The following PLCXD1 variants were observed in gnomAD, a reference collection of about 807,000 sequenced individuals.
The protein encoded by PLCXD1 is phosphatidylinositol specific phospholipase C X domain containing 1.
A neutral mutation model predicts 37.8 loss-of-function variants in PLCXD1; 45 were observed. That is an observed-to-expected ratio of 1.19 (90% CI 0.94 to 1.53). The LOEUF (loss-of-function observed/expected upper bound fraction) is 1.53, where lower values mean the gene tolerates loss of function less well. PLCXD1 is among the 40% of genes most tolerant of loss of function. The pLI, the probability that PLCXD1 is intolerant of heterozygous loss-of-function variation, is 0.00. For missense variants in PLCXD1, 539 were observed against 454.7 expected, an observed-to-expected ratio of 1.19 and a Z score of -1.69; for synonymous variants, 246 against 206.9, an observed-to-expected ratio of 1.19 and a Z score of -1.62.
intron 2 of PLCXD1, among the ~76,000 whole-genome samples, chrX:287,478 ATGTT>A (rs1183773433): frequency 7.6e-6 from 1 of 130,904 alleles, no homozygotes; most frequent in African/African-American, 3.1e-5. Flanking sequence ...TATACTATAT[ATGTT>A]TATATATAGA....
intron 6 of PLCXD1, among the ~76,000 whole-genome samples, chrX:295,835 TTTTG>T (rs1020038712): frequency 9.9e-5 from 15 of 150,754 alleles, no homozygotes; most frequent in South Asian, 8.4e-4. Context: ...CGGAAAATTT[TTTTG>T]TTTGTGTGTT....
chrX:289,389 G>T (rs546740205), intron 3 of PLCXD1, among the ~76,000 whole-genome samples: 25 of 151,826 alleles, frequency 1.6e-4, no homozygotes, highest in African/African-American at 6.0e-4. Flanking sequence ...GCCCGGCCCA[G>T]CATTTTATTA....
chrX:283,643 C>T (rs1470310976), intron 1 of PLCXD1: 5 of 92,388 alleles, frequency 5.4e-5, no homozygotes, highest in Admixed American at 1.1e-4. Context: ...CGGGTGGGGG[C>T]GGCCTTGGTG....
In PLCXD1 at chrX:293,097, C is replaced by T. The variant is rs773256235; in HGVS notation, c.612C>T (p.Asp204=). The T allele has an allele frequency of 3.5e-5, 56 of 1,611,832 alleles. No homozygotes were observed. Among genetic ancestry groups the T allele is most frequent in the South Asian group, 6.6e-5 (6 of 90,984 alleles). Residue 204 remains aspartate, a synonymous_variant, in exon 6 of 7, where the codon GAC becomes GAT. Coordinates refer to ENST00000381657, the MANE Select transcript of PLCXD1 (RefSeq NM_018390.4). Reference sequence around the variant, plus strand: ...AACAGGTCATCGTCTCCTATGAAGACGAGAGCTCCTTGCGCCGGCACCACG... The same window carrying T: ...AACAGGTCATCGTCTCCTATGAAGATGAGAGCTCCTTGCGCCGGCACCACG... ...RGQQVIVSYE[D]ESSLRRHHEL... is the part of the protein sequence containing the mutation.
In PLCXD1 at chrX:299,479, G is replaced by A. The variant is rs1044765588; in HGVS notation, c.*144G>A. The A allele has an allele frequency of 1.4e-5, 10 of 699,326 alleles. 1 individual carries two copies. Among genetic ancestry groups the A allele is most frequent in the Non-Finnish European group, 2.5e-5 (10 of 402,124 alleles). 43.3% of individuals were successfully genotyped at this position (699,326 alleles called of 1,614,324 possible). A position where few individuals can be genotyped will look rare whatever the true frequency, so the allele number is the denominator to read the frequency against. On this transcript the variant is annotated 3_prime_UTR_variant, in exon 7 of 7. Coordinates refer to ENST00000381657, the MANE Select transcript of PLCXD1 (RefSeq NM_018390.4). ...ATTTTCTTTAAAATAGAGATGGGGTGGCTGGGCGTGGTGACTTCGCCTGTC... is the reference window on the plus strand; with the variant it reads ...ATTTTCTTTAAAATAGAGATGGGGTAGCTGGGCGTGGTGACTTCGCCTGTC...
upstream of PLCXD1, among the ~76,000 whole-genome samples, chrX:278,738 C>CAGA (rs2069202426): frequency 9.7e-6 from 1 of 102,864 alleles, no homozygotes; most frequent in East Asian, 2.7e-4. Context: ...GACTCCGTCT[C>CAGA]AAAAAAAAAA....
rs745452219 is a variant in PLCXD1, at chrX:290,829, A to G, written c.393+53A>G. On this transcript the variant is annotated intron_variant, in intron 4 of 6. Coordinates refer to ENST00000381657, the MANE Select transcript of PLCXD1 (RefSeq NM_018390.4). ...TGGGGAGAGTGGGAGGCGGCCGGGC[A>G]CTGGTGCAGGTGCGGCCGGGCTGAG... 8.3e-5 allele frequency: 125 copies of G among 1,500,900 alleles called. 1 individual carries two copies. The African/African-American group carries it at 1.3e-3, about 15-fold the overall frequency. The allele number at this position is 1,500,900 out of a possible 1,614,324, so 93.0% of individuals were successfully genotyped here.
chrX:290,535 C>G, intron 3 of PLCXD1, 113 bp from the exon 4 acceptor site: 1 of 1,139,492 alleles, frequency 8.8e-7, no homozygotes, highest in Non-Finnish European at 1.3e-6. Flanking sequence ...GTTACGACAT[C>G]CACGTCCCAG....
rs780072034 is a variant in PLCXD1, at chrX:292,453, G to A, written c.550-582G>A. 5.1e-4 allele frequency among the ~76,000 whole-genome samples: 77 copies of A among 151,664 alleles called. 1 individual carries two copies. Among genetic ancestry groups the A allele is most frequent in the African/African-American group, 1.7e-3 (69 of 41,374 alleles). On this transcript the variant is annotated intron_variant, in intron 5 of 6. Transcript: ENST00000381657. ...CAGCCTGGGAGACAGAGCGAGATCC[G>A]TCTCAAAAAATAAAAAATAAAAATA...
rs1175866886 is a variant in PLCXD1, at chrX:291,620, AG to A, written c.516del (p.Asn173ThrfsTer54). The A allele has an allele frequency of 6.2e-7, 1 of 1,612,930 alleles. No individual in the cohort carries two copies. Among genetic ancestry groups the A allele is most frequent in the Admixed American group, 1.7e-5 (1 of 60,008 alleles). ...DLHEYLVACI[K>X]NIFGDMLCPR... is the part of the protein sequence containing the mutation. ...CACGAGTACCTGGTCGCCTGTATCA[AG>A]AACATCTTCGGGGACATGCTGTGTC... On this transcript the variant is annotated frameshift_variant, in exon 5 of 7. Transcript: ENST00000381657. LOFTEE classifies it high-confidence loss of function.
intron 1 of PLCXD1, among the ~76,000 whole-genome samples, chrX:282,974 T>C (rs2069321318): frequency 1.4e-5 from 2 of 146,278 alleles, no homozygotes; most frequent in Non-Finnish European, 3.0e-5. Flanking sequence ...GTATATATTA[T>C]ATGTATAATA....
chrX:278,975 C>G (rs892871870), upstream of PLCXD1, among the ~76,000 whole-genome samples: 3 of 152,130 alleles, frequency 2.0e-5, no homozygotes, highest in Non-Finnish European at 2.9e-5. Flanking sequence ...GGTTCATTCA[C>G]TTGGGTGCAA....
chrX:294,855 C>G (rs1223522128), intron 6 of PLCXD1, among the ~76,000 whole-genome samples: 2 of 151,020 alleles, frequency 1.3e-5, no homozygotes, highest in African/African-American at 2.4e-5. Flanking sequence ...TCTGCTTGAA[C>G]CACCATTCCC....
chrX:285,263 T>C (rs759503878), intron 2 of PLCXD1, among the ~76,000 whole-genome samples: 141 of 152,188 alleles, frequency 9.3e-4, no homozygotes, highest in African/African-American at 3.2e-3. Flanking sequence ...CACACATGTA[T>C]ACATGCACAT....
chrX:289,989 G>C (rs189369772), intron 3 of PLCXD1, among the ~76,000 whole-genome samples: 1 of 151,754 alleles, frequency 6.6e-6, no homozygotes, highest in Non-Finnish European at 1.5e-5. Context: ...ATGGAGTCTC[G>C]CTCTCTCACC....
upstream of PLCXD1, among the ~76,000 whole-genome samples, chrX:280,431 GGGAGGGGAGGCCGTGCAGGA>G (rs1569564339): frequency 9.5e-4 from 11 of 11,626 alleles, no homozygotes; most frequent in African/African-American, 1.4e-3. Context: ...GACGTGCAGG[GGGAGGGGAGGCCGTGCAGGA>G]GGAGGGGAGG....
chrX:289,118 A>C (rs1464227195), intron 3 of PLCXD1, among the ~76,000 whole-genome samples: 4 of 151,822 alleles, frequency 2.6e-5, no homozygotes, highest in African/African-American at 9.7e-5. Flanking sequence ...ACAGGGTCTC[A>C]CTCTTCTTAC....
intron 1 of PLCXD1, chrX:283,209 G>C (rs1226107607): frequency 6.7e-6 from 1 of 149,096 alleles, no homozygotes; most frequent in Non-Finnish European, 1.5e-5. Context: ...GCGGTGAGCC[G>C]AGATCGCGCC....
In PLCXD1 at chrX:283,807, C is replaced by T. The variant is rs775987588; in HGVS notation, c.-21-360C>T. On this transcript the variant is annotated intron_variant, in intron 1 of 6. Coordinates refer to ENST00000381657, the MANE Select transcript of PLCXD1 (RefSeq NM_018390.4). ...CCGGGTCTAAGAGCCAGGGCTTTCA[C>T]GCTAGACAAGAAACATTTTTTGGAG... 4.2e-5 allele frequency: 8 copies of T among 188,628 alleles called. No individual in the cohort carries two copies. In the East Asian group the frequency reaches 1.2e-3, roughly 28 times the overall value. The allele number at this position is 188,628 out of a possible 1,614,324, so 11.7% of individuals were successfully genotyped here. A position where few individuals can be genotyped will look rare whatever the true frequency, so the allele number is the denominator to read the frequency against.
Sources: allele counts gnomAD v4.1 joint callset (sites outside exome capture counted in the v4.1 genomes callset), GRCh38; gene constraint gnomAD v4.1.1; transcripts MANE v1.5; gene names NCBI Gene and HGNC (gene_info 2026-07-23, HGNC 2026-07-21).